The following RAB38 variants were observed in gnomAD, a reference collection of about 807,000 sequenced individuals.
RAB38 encodes ras-related protein Rab-38.
A neutral mutation model predicts 18.4 loss-of-function variants in RAB38; 15 were observed. That is an observed-to-expected ratio of 0.82 (90% CI 0.55 to 1.26). The LOEUF (loss-of-function observed/expected upper bound fraction) is 1.26. Among genes scored for constraint, RAB38 ranks in the 50% most tolerant of loss-of-function variants. The pLI, the probability that RAB38 is intolerant of heterozygous loss-of-function variation, is 0.00. For synonymous variants in RAB38, 101 were observed against 104.4 expected (o/e 0.97, Z 0.20); for missense variants, 294 against 267.4 (o/e 1.10, Z -0.69).
chr11:88,028,785 A>G, the RAB38 span, among the ~76,000 whole-genome samples: 1 of 152,242 alleles, frequency 6.6e-6, no homozygotes, highest in Admixed American at 6.5e-5. Flanking sequence ...GGAGAATGGA[A>G]CCAAGTTGGA....
chr11:87,961,615 T>G, the RAB38 span, among the ~76,000 whole-genome samples: 1 of 152,138 alleles, frequency 6.6e-6, no homozygotes, highest in Non-Finnish European at 1.5e-5. Context: ...TCCCTCCTTT[T>G]TACATAAAAG....
the RAB38 span, among the ~76,000 whole-genome samples, chr11:87,887,887 G>C: frequency 5.3e-5 from 8 of 151,766 alleles, no homozygotes; most frequent in African/African-American, 1.9e-4. Context: ...AAACCAGTTT[G>C]ACTATTCTGA....
At chr11:88,010,323 C>G in the RAB38 span, among the ~76,000 whole-genome samples, 3 of 152,212 alleles carry the variant, frequency 2.0e-5, no homozygotes, top group South Asian at 6.2e-4. Context: ...AGAATTCCAG[C>G]TCAAGTTCTA....
At chr11:87,924,769 G>C in the RAB38 span, among the ~76,000 whole-genome samples, 1 of 151,990 alleles carries the variant, frequency 6.6e-6, no homozygotes, top group African/African-American at 2.4e-5. Context: ...GGGTCATACA[G>C]GTAGGAAGTG....
chr11:87,936,446 A>T, the RAB38 span, among the ~76,000 whole-genome samples: 5 of 152,100 alleles, frequency 3.3e-5, no homozygotes, highest in Admixed American at 3.3e-4. Flanking sequence ...TCAAAATATC[A>T]GTTGGGTACA....
At chr11:88,164,258 G>GC (rs1565221342) in intron 1 of RAB38, among the ~76,000 whole-genome samples, 5 of 137,304 alleles carry the variant, frequency 3.6e-5, no homozygotes, top group Non-Finnish European at 3.2e-5. Flanking sequence ...GGTGCTCTCG[G>GC]TGGGGGGGGG....
At chr11:88,018,329 A>G in the RAB38 span, among the ~76,000 whole-genome samples, 2 of 152,150 alleles carry the variant, frequency 1.3e-5, no homozygotes, top group Non-Finnish European at 2.9e-5. Context: ...TTTCTCTAGC[A>G]TTGTCCACCC....
chr11:87,849,349 T>A, the RAB38 span, among the ~76,000 whole-genome samples: 1 of 152,178 alleles, frequency 6.6e-6, no homozygotes, highest in South Asian at 2.1e-4. Context: ...GCTCTTCATC[T>A]GGGCTATGAG....
the RAB38 span, among the ~76,000 whole-genome samples, chr11:87,916,673 G>C: frequency 6.6e-6 from 1 of 152,112 alleles, no homozygotes; most frequent in South Asian, 2.1e-4. Flanking sequence ...AGAACAGACT[G>C]AGACAATTAT....
At chr11:87,808,058 T>G in the RAB38 span, among the ~76,000 whole-genome samples, 1 of 152,204 alleles carries the variant, frequency 6.6e-6, no homozygotes, top group Non-Finnish European at 1.5e-5. Context: ...CTCTCATCCT[T>G]TCATGGACAA....
the RAB38 span, among the ~76,000 whole-genome samples, chr11:87,977,546 TATA>T: frequency 8.8e-6 from 1 of 113,928 alleles, no homozygotes; most frequent in South Asian, 2.6e-4. Context: ...ATCATTATTA[TATA>T]ATATAATTAT....
chr11:87,851,103 A>G, the RAB38 span, among the ~76,000 whole-genome samples: 3 of 152,204 alleles, frequency 2.0e-5, no homozygotes, highest in Non-Finnish European at 4.4e-5. Flanking sequence ...TTTGAAAAAA[A>G]GTATAGACAG....
intron 2 of RAB38, among the ~76,000 whole-genome samples, chr11:88,137,510 C>T (rs1306721452): frequency 2.0e-5 from 3 of 151,850 alleles, no homozygotes; most frequent in Non-Finnish European, 4.4e-5. Context: ...TTGCAGCAAA[C>T]TAATAAACAG....
chr11:87,914,459 CAAG>C, the RAB38 span, among the ~76,000 whole-genome samples: 2 of 152,038 alleles, frequency 1.3e-5, no homozygotes, highest in Non-Finnish European at 2.9e-5. Flanking sequence ...GCAAAGTCTC[CAAG>C]AAGTGGTATG....
At chr11:88,035,485 C>G in the RAB38 span, among the ~76,000 whole-genome samples, 3 of 152,066 alleles carry the variant, frequency 2.0e-5, no homozygotes, top group African/African-American at 7.2e-5. Context: ...CTCACACAAT[C>G]ACAAGGCGAG....
the RAB38 span, among the ~76,000 whole-genome samples, chr11:87,825,118 C>G: frequency 1.3e-5 from 2 of 152,042 alleles, no homozygotes; most frequent in Non-Finnish European, 2.9e-5. Context: ...TTCTGGAAGA[C>G]CAATTATTTC....
At chr11:87,847,312 G>A in the RAB38 span, among the ~76,000 whole-genome samples, 1,974 of 152,152 alleles carry the variant, frequency 0.013, 21 homozygotes, top group Middle Eastern at 0.041. Context: ...TGCTTAATGT[G>A]TAGGATTTGT....
chr11:87,871,723 A>G, the RAB38 span, among the ~76,000 whole-genome samples: 2 of 151,590 alleles, frequency 1.3e-5, no homozygotes, highest in South Asian at 4.1e-4. Context: ...TCTAACTGCT[A>G]ACACCATGAA....
chr11:87,960,404 T>G, the RAB38 span, among the ~76,000 whole-genome samples: 2 of 142,332 alleles, frequency 1.4e-5, no homozygotes. Flanking sequence ...AAGAGAGAAA[T>G]AAGACTTTAA....
Sources: gnomAD v4.1 joint callset for allele counts (sites outside exome capture counted in the v4.1 genomes callset) on GRCh38, gnomAD v4.1.1 for gene constraint, MANE v1.5 for transcripts, NCBI Gene and HGNC (gene_info 2026-07-23, HGNC 2026-07-21) for gene names.